Variants in NDST3 observed in about 807,000 individuals in gnomAD.
NDST3 encodes the protein N-deacetylase and N-sulfotransferase 3, also known as bifunctional heparan sulfate N-deacetylase/N-sulfotransferase 3.
Under a neutral mutation model 96.1 loss-of-function variants are expected in NDST3, and 58 were observed. The ratio of observed to expected loss-of-function variants is 0.60; its 90% CI spans 0.49 to 0.75. NDST3 has a LOEUF of 0.75. Among genes scored for constraint, NDST3 ranks in the 30% least tolerant of loss-of-function variants. The pLI, the probability that NDST3 is intolerant of heterozygous loss-of-function variation, is 0.00. For synonymous variants in NDST3, 333 were observed against 359.7 expected, an observed-to-expected ratio of 0.93 and a Z score of 0.84; for missense variants, 788 against 1,034.2, an observed-to-expected ratio of 0.76 and a Z score of 3.27.
intron 6 of NDST3, among the ~76,000 whole-genome samples, chr4:118,210,233 G>A (rs554828812): frequency 6.6e-6 from 1 of 152,208 alleles, no homozygotes; most frequent in African/African-American, 2.4e-5. Flanking sequence ...TCTGGCTTGA[G>A]GGTCACTGAG....
intron 2 of NDST3, among the ~76,000 whole-genome samples, chr4:118,102,267 C>A (rs1414661064): frequency 1.3e-5 from 2 of 151,986 alleles, no homozygotes; most frequent in Non-Finnish European, 2.9e-5. Flanking sequence ...AATAATCAAG[C>A]CACTTTTGAA....
intron 9 of NDST3, 31 bp from the exon 10 acceptor site, chr4:118,237,015 T>C (rs777556557): frequency 2.0e-6 from 3 of 1,522,114 alleles, no homozygotes; most frequent in Non-Finnish European, 2.7e-6. Context: ...TAAACCAGAA[T>C]CTTATTTTGA....
chr4:118,114,092 A>C (rs1436907776), intron 3 of NDST3, among the ~76,000 whole-genome samples: 1 of 151,966 alleles, frequency 6.6e-6, no homozygotes, highest in Non-Finnish European at 1.5e-5. Context: ...ACCCTTAAGG[A>C]AAAAAGAGTT....
chr4:118,041,183 C>T (rs373891220), intron 1 of NDST3, among the ~76,000 whole-genome samples: 1 of 151,986 alleles, frequency 6.6e-6, no homozygotes, highest in African/African-American at 2.4e-5. Flanking sequence ...ATGGAAGGAT[C>T]GTGTTGCAGT....
chr4:118,193,983 G>A, intron 6 of NDST3: 2 of 1,050,032 alleles, frequency 1.9e-6, no homozygotes, highest in South Asian at 1.3e-5. Flanking sequence ...CTCTGCTCCA[G>A]CTTCTCTTCT....
intron 2 of NDST3, among the ~76,000 whole-genome samples, chr4:118,082,573 GTC>G (rs1167066534): frequency 6.6e-6 from 1 of 151,946 alleles, no homozygotes; most frequent in Non-Finnish European, 1.5e-5. Context: ...AGTAAATATT[GTC>G]TTTTTATGCT....
At chr4:118,159,768 T>G (rs1450693446) in intron 6 of NDST3, among the ~76,000 whole-genome samples, 2 of 152,076 alleles carry the variant, frequency 1.3e-5, no homozygotes, top group Non-Finnish European at 2.9e-5. Context: ...ATAAAATAAC[T>G]GAAGTGAAAA....
chr4:118,148,292 T>C (rs2125912278), intron 6 of NDST3, among the ~76,000 whole-genome samples: 1 of 152,252 alleles, frequency 6.6e-6, no homozygotes, highest in South Asian at 2.1e-4. Context: ...AGCGAGACTC[T>C]GTCTCAAAAA....
chr4:118,215,132 G>A (rs1739110629), intron 6 of NDST3, among the ~76,000 whole-genome samples: 1 of 152,042 alleles, frequency 6.6e-6, no homozygotes, highest in Non-Finnish European at 1.5e-5. Context: ...AAATTTAGGA[G>A]AAAGATAGGA....
At chr4:118,044,929 G>T (rs1454120680) in intron 1 of NDST3, among the ~76,000 whole-genome samples, 1 of 152,064 alleles carries the variant, frequency 6.6e-6, no homozygotes. Context: ...GACCCCTCAT[G>T]ACCTACTCAC....
chr4:118,231,252 C>T (rs1271630685), intron 8 of NDST3, among the ~76,000 whole-genome samples: 1 of 151,838 alleles, frequency 6.6e-6, no homozygotes, highest in Non-Finnish European at 1.5e-5. Context: ...ATGAGAATCG[C>T]TTGAGCCCAG....
intron 6 of NDST3, among the ~76,000 whole-genome samples, chr4:118,201,086 C>T (rs1738048520): frequency 6.6e-6 from 1 of 152,198 alleles, no homozygotes; most frequent in Non-Finnish European, 1.5e-5. Context: ...TGGCCTCCAG[C>T]TCCATCCATG....
chr4:118,235,056 G>GGAAAGAAGGAAA (rs369861281), intron 9 of NDST3, among the ~76,000 whole-genome samples: 2 of 150,428 alleles, frequency 1.3e-5, no homozygotes, highest in African/African-American at 2.4e-5. Context: ...AAGGAAGGAA[G>GGAAAGAAGGAAA]GAAGGAAGGA....
intron 6 of NDST3, among the ~76,000 whole-genome samples, chr4:118,204,146 G>A (rs1404248181): frequency 6.6e-6 from 1 of 152,120 alleles, no homozygotes; most frequent in Non-Finnish European, 1.5e-5. Flanking sequence ...TTTGAATTCT[G>A]AGAGAGAACT....
At chr4:118,058,430 CAA>C (rs35067389) in intron 2 of NDST3, among the ~76,000 whole-genome samples, 66 of 118,116 alleles carry the variant, frequency 5.6e-4, no homozygotes, top group East Asian at 2.7e-3. Flanking sequence ...CACAAAAAGA[CAA>C]AAAAAAAAAA....
intron 2 of NDST3, among the ~76,000 whole-genome samples, chr4:118,070,911 C>T (rs902450329): frequency 6.6e-6 from 1 of 151,760 alleles, no homozygotes; most frequent in Non-Finnish European, 1.5e-5. Flanking sequence ...GGTTTTTTGT[C>T]CTTGCGATAG....
intron 10 of NDST3, 34 bp from the exon 11 acceptor site, chr4:118,240,490 C>G: frequency 6.5e-7 from 1 of 1,536,164 alleles, no homozygotes; most frequent in Non-Finnish European, 8.8e-7. Flanking sequence ...GCCTACGGTT[C>G]AGATTAGTTT....
At chr4:118,140,933 C>T (rs989519178) in intron 5 of NDST3, among the ~76,000 whole-genome samples, 1 of 152,100 alleles carries the variant, frequency 6.6e-6, no homozygotes, top group Admixed American at 6.6e-5. Context: ...CAGCCAGAGA[C>T]CTCTAAAAAA....
intron 4 of NDST3, among the ~76,000 whole-genome samples, chr4:118,129,479 C>T (rs1732416222): frequency 6.6e-6 from 1 of 151,828 alleles, no homozygotes; most frequent in South Asian, 2.1e-4. Flanking sequence ...GTTTAATTTC[C>T]ATTGAGTTTG....
Sources: allele counts gnomAD v4.1 joint callset (sites outside exome capture counted in the v4.1 genomes callset), GRCh38; gene constraint gnomAD v4.1.1; transcripts MANE v1.5; gene names NCBI Gene and HGNC (gene_info 2026-07-23, HGNC 2026-07-21).